RAD51B: variants seen among roughly 807,000 people sequenced by gnomAD.
RAD51B encodes RAD51 paralog B.
In RAD51B, 38 loss-of-function variants were observed where a neutral mutation model predicts 42.2. That is an observed-to-expected ratio of 0.90 (90% CI 0.70 to 1.18). RAD51B has a LOEUF of 1.18. RAD51B is among the 50% of genes most tolerant of loss of function. RAD51B has a pLI of 0.00. For missense variants in RAD51B, 373 were observed against 400.7 expected, an observed-to-expected ratio of 0.93 and a Z score of 0.59; for synonymous variants, 154 against 145.2, an observed-to-expected ratio of 1.06 and a Z score of -0.43.
At chr14:68,561,126 T>A (rs1423125310) in intron 10 of RAD51B, among the ~76,000 whole-genome samples, 1 of 152,174 alleles carries the variant, frequency 6.6e-6, no homozygotes, top group African/African-American at 2.4e-5. Flanking sequence ...TGACTTCCTT[T>A]CACCCCAGCC....
chr14:68,190,231 A>C (rs1424305825), intron 7 of RAD51B, among the ~76,000 whole-genome samples: 1 of 152,128 alleles, frequency 6.6e-6, no homozygotes, highest in Non-Finnish European at 1.5e-5. Context: ...CAATACCTTT[A>C]ATTTACATTA....
chr14:67,848,834 A>G (rs1186704875), intron 4 of RAD51B, among the ~76,000 whole-genome samples: 1 of 152,066 alleles, frequency 6.6e-6, no homozygotes, highest in Non-Finnish European at 1.5e-5. Context: ...AAATTTATTT[A>G]TTTTTCACTT....
At chr14:67,869,425 AT>A (rs1414299487) in intron 5 of RAD51B, among the ~76,000 whole-genome samples, 1 of 152,138 alleles carries the variant, frequency 6.6e-6, no homozygotes, top group Non-Finnish European at 1.5e-5. Flanking sequence ...TCCAAGAAAT[AT>A]GGGACTATGT....
intron 7 of RAD51B, among the ~76,000 whole-genome samples, chr14:68,025,476 CTTTTTTTT>C (rs765471138): frequency 2.4e-5 from 1 of 40,976 alleles, no homozygotes; most frequent in African/African-American, 9.4e-5. Context: ...CTGGTCTAGG[CTTTTTTTT>C]TTTTTTTTTT....
At chr14:68,579,815 A>C (rs1475480133) in intron 10 of RAD51B, among the ~76,000 whole-genome samples, 1 of 152,192 alleles carries the variant, frequency 6.6e-6, no homozygotes, top group East Asian at 1.9e-4. Context: ...CAGGAAAGAA[A>C]ATAGAAGAGA....
At chr14:68,532,600 C>A (rs1887380853) in intron 10 of RAD51B, among the ~76,000 whole-genome samples, 1 of 152,118 alleles carries the variant, frequency 6.6e-6, no homozygotes, top group Admixed American at 6.5e-5. Context: ...CAAATCAGAG[C>A]CTTCTACCCA....
chr14:67,952,572 A>G (rs557408676), intron 7 of RAD51B, among the ~76,000 whole-genome samples: 2 of 152,250 alleles, frequency 1.3e-5, no homozygotes, highest in South Asian at 4.1e-4. Context: ...CTTTTGAGGA[A>G]GGACAGATGC....
intron 10 of RAD51B, among the ~76,000 whole-genome samples, chr14:68,606,012 C>T (rs4902609): frequency 0.94 from 143,210 of 152,250 alleles, 67,409 homozygotes; most frequent in South Asian, 0.99. Context: ...TGTCAGTCAG[C>T]GTCCCCAGCG....
intron 7 of RAD51B, among the ~76,000 whole-genome samples, chr14:67,900,390 T>A (rs890527987): frequency 6.6e-6 from 1 of 152,136 alleles, no homozygotes; most frequent in Non-Finnish European, 1.5e-5. Flanking sequence ...GGGGAACACA[T>A]GAAGTAAGGC....
chr14:68,563,765 T>G (rs1157620633), intron 10 of RAD51B: 1 of 985,258 alleles, frequency 1.0e-6, no homozygotes, highest in Non-Finnish European at 1.2e-6. Context: ...GTATAAACTC[T>G]GAGGCGTAAC....
intron 10 of RAD51B, among the ~76,000 whole-genome samples, chr14:68,516,086 G>A (rs112397236): frequency 0.011 from 1,677 of 152,178 alleles, 28 homozygotes; most frequent in African/African-American, 0.037. Flanking sequence ...CGCCCTGCCC[G>A]GAAGCTGGAC....
intron 9 of RAD51B, among the ~76,000 whole-genome samples, chr14:68,451,909 A>G (rs2085565398): frequency 6.6e-6 from 1 of 152,232 alleles, no homozygotes; most frequent in African/African-American, 2.4e-5. Flanking sequence ...TGGTCCAAGC[A>G]TGATGTAACA....
intron 7 of RAD51B, among the ~76,000 whole-genome samples, chr14:67,947,422 T>G (rs970441166): frequency 6.6e-6 from 1 of 152,194 alleles, no homozygotes; most frequent in African/African-American, 2.4e-5. Context: ...ATAAATTTCA[T>G]GAGGGTAGGG....
In RAD51B at chr14:68,547,091, C is replaced by T. The variant is rs144488947; in HGVS notation, c.1037-47394C>T. 1.6e-3 allele frequency among the ~76,000 whole-genome samples: 241 copies of T among 152,326 alleles called. 1 individual carries two copies. The highest frequency in any genetic ancestry group is 5.4e-3 in the African/African-American group (226 of 41,578). On this transcript the variant is annotated intron_variant, in intron 10 of 10. Transcript: ENST00000487270. ...AGCAAATCCAGCCTCTCCTCACCTCCTATTACAAATGGCTGTCATGGACTA... is the reference window on the plus strand; with the variant it reads ...AGCAAATCCAGCCTCTCCTCACCTCTTATTACAAATGGCTGTCATGGACTA...
intron 11 of RAD51B, among the ~76,000 whole-genome samples, chr14:68,661,569 C>T (rs902743893): frequency 6.6e-6 from 1 of 152,216 alleles, no homozygotes; most frequent in Non-Finnish European, 1.5e-5. Flanking sequence ...AAGGAGAATG[C>T]TGGATGCTCC....
At chr14:68,041,606 G>A (rs1287617466) in intron 7 of RAD51B, among the ~76,000 whole-genome samples, 1 of 151,138 alleles carries the variant, frequency 6.6e-6, no homozygotes, top group Non-Finnish European at 1.5e-5. Context: ...GCAGCCACAG[G>A]TCAAGTTCTT....
At chr14:68,282,980 T>A (rs2081348573) in intron 7 of RAD51B, among the ~76,000 whole-genome samples, 1 of 152,158 alleles carries the variant, frequency 6.6e-6, no homozygotes, top group South Asian at 2.1e-4. Flanking sequence ...TCAATGTTGG[T>A]ATTTATCAGG....
intron 8 of RAD51B, among the ~76,000 whole-genome samples, chr14:68,394,482 T>C (rs1277023545): frequency 6.6e-6 from 1 of 150,664 alleles, no homozygotes; most frequent in Non-Finnish European, 1.5e-5. Flanking sequence ...GATTCCTTCC[T>C]GGGTTTGCCA....
In RAD51B at chr14:67,886,963, T is replaced by C. The variant is rs996313162; in HGVS notation, c.573-58T>C. ...TAAGTTGCTTAGCCTTTGCAATACC[T>C]TTATTTATTTATTTTATCTTAAATT... On this transcript the variant is annotated intron_variant, in intron 6 of 10. Transcript: ENST00000471583. 6 of 1,151,842 alleles carry C rather than the reference T, an allele frequency of 5.2e-6. No homozygotes were observed. In the Admixed American group the frequency reaches 1.2e-4, roughly 23 times the overall value. 71.4% of individuals were successfully genotyped at this position (1,151,842 alleles called of 1,614,324 possible). A position where few individuals can be genotyped will look rare whatever the true frequency, so the allele number is the denominator to read the frequency against.
Sources: gnomAD v4.1 joint callset for allele counts (sites outside exome capture counted in the v4.1 genomes callset) on GRCh38, gnomAD v4.1.1 for gene constraint, MANE v1.5 for transcripts, NCBI Gene and HGNC (gene_info 2026-07-23, HGNC 2026-07-21) for gene names.